SLAMF7: variants seen among roughly 807,000 people sequenced by gnomAD.
The protein encoded by SLAMF7 is SLAM family member 7.
In SLAMF7, 26 loss-of-function variants were observed where a neutral mutation model predicts 34.1. The observed-to-expected ratio is 0.76, with a 90% confidence interval of 0.56 to 1.06. The LOEUF (loss-of-function observed/expected upper bound fraction) is 1.06. Among genes scored for constraint, SLAMF7 ranks in the 50% least tolerant of loss-of-function variants. SLAMF7 has a pLI of 0.00. For missense variants in SLAMF7, 399 were observed against 402.5 expected (o/e 0.99, Z 0.07); for synonymous variants, 171 against 156.4 (o/e 1.09, Z -0.70).
intron 4 of SLAMF7, chr1:160,750,743 CCCCTG>C (rs1186540912): frequency 1.2e-5 from 3 of 258,506 alleles, no homozygotes; most frequent in African/African-American, 2.2e-5. Context: ...TGACTCTGCT[CCCCTG>C]ACCTGGGAGG....
chr1:160,748,666 C>T (rs1664321809), intron 2 of SLAMF7, 152 bp downstream of exon 2: 1 of 719,276 alleles, frequency 1.4e-6, no homozygotes, highest in Non-Finnish European at 2.3e-6. Context: ...TAGCTGACCC[C>T]TGAGGTCCCT....
intron 1 of SLAMF7, among the ~76,000 whole-genome samples, chr1:160,742,848 C>T (rs1039301803): frequency 5.9e-5 from 9 of 152,164 alleles, no homozygotes; most frequent in Admixed American, 5.2e-4. Flanking sequence ...CTGTATCTCA[C>T]GGGGCTGTTC....
intron 1 of SLAMF7, among the ~76,000 whole-genome samples, chr1:160,740,626 C>T (rs1447748547): frequency 6.6e-6 from 1 of 152,198 alleles, no homozygotes; most frequent in Non-Finnish European, 1.5e-5. Context: ...GCAAATTACT[C>T]TTCCCTTCTG....
chr1:160,751,120 A>G, intron 4 of SLAMF7: 1 of 515,516 alleles, frequency 1.9e-6, no homozygotes, highest in African/African-American at 1.9e-5. Flanking sequence ...GACCACCTTG[A>G]TGGAGAGATC....
intron 1 of SLAMF7, among the ~76,000 whole-genome samples, chr1:160,740,144 C>T (rs1663614895): frequency 6.6e-6 from 1 of 152,108 alleles, no homozygotes; most frequent in African/African-American, 2.4e-5. Flanking sequence ...ACGCAGGCAG[C>T]TGGTGCCCCC....
intron 1 of SLAMF7, among the ~76,000 whole-genome samples, chr1:160,740,456 C>A (rs1419813924): frequency 6.6e-6 from 1 of 152,120 alleles, no homozygotes; most frequent in South Asian, 2.1e-4. Flanking sequence ...CCATGCAGGT[C>A]CCCCTCTGCC....
chr1:160,751,860 C>CTATATA (rs1413816480), intron 5 of SLAMF7: 3 of 30,250 alleles, frequency 9.9e-5, no homozygotes, highest in Non-Finnish European at 1.8e-4. Context: ...CTCTCTCTCT[C>CTATATA]TCTATATATA....
At chr1:160,741,511 G>C (rs2101652668) in intron 1 of SLAMF7, among the ~76,000 whole-genome samples, 1 of 152,248 alleles carries the variant, frequency 6.6e-6, no homozygotes, top group South Asian at 2.1e-4. Context: ...ATTCGTTAAG[G>C]GGGACTTGAG....
Position 160,739,319 on chromosome 1 carries a change from A to G in SLAMF7, c.18A>G (p.Thr6=). ...AGAGCAATATGGCTGGTTCCCCAAC[A>G]TGCCTCACCCTCATCTATATCCTTT... MAGSP[T]CLTLIYILWQ... The change falls in exon 1 of 7, where the codon ACA becomes ACG. Residue 6 remains threonine, a synonymous_variant. Transcript: ENST00000368043. 1 of 1,613,952 alleles carries G rather than the reference A, an allele frequency of 6.2e-7. No homozygotes were observed. The highest frequency in any genetic ancestry group is 8.5e-7 in the Non-Finnish European group (1 of 1,179,902).
Position 160,750,863 on chromosome 1 carries a change from A to G in SLAMF7, c.769+440A>G, listed in dbSNP as rs755673114. On this transcript the variant is annotated intron_variant, in intron 4 of 6. Coordinates refer to ENST00000368043, the MANE Select transcript of SLAMF7 (RefSeq NM_021181.5). Reference sequence around the variant, plus strand: ...CACCCACACCCTTTCCACAGGATCAACCCAAGACCTCGCTTTACTGCCCAC... The same window carrying G: ...CACCCACACCCTTTCCACAGGATCAGCCCAAGACCTCGCTTTACTGCCCAC... The G allele has an allele frequency of 1.8e-5, 4 of 227,308 alleles. No homozygotes were observed. The East Asian group carries it at 3.3e-4, about 19-fold the overall frequency. 14.1% of individuals were successfully genotyped at this position (227,308 alleles called of 1,614,324 possible).
rs1242928078 is a variant in SLAMF7, at chr1:160,753,408, A to C, written c.*231A>C. 1 of 531,028 alleles carries C rather than the reference A, an allele frequency of 1.9e-6. No homozygotes were observed. The highest frequency in any genetic ancestry group is 3.3e-6 in the Non-Finnish European group (1 of 299,716). The allele number at this position is 531,028 out of a possible 1,614,324, so 32.9% of individuals were successfully genotyped here. A position where few individuals can be genotyped will look rare whatever the true frequency, so the allele number is the denominator to read the frequency against. On this transcript the variant is annotated 3_prime_UTR_variant, in exon 7 of 7. Transcript: ENST00000368043. ...CAGAAGGTTTAATCACTTCATCCCA[A>C]AAATGGGATTGTGAATGTCAGCAAA... is the stretch of plus-strand genomic sequence containing the variant.
At chr1:160,749,450 T>C (rs75795848) in intron 2 of SLAMF7, among the ~76,000 whole-genome samples, 2 of 88,898 alleles carry the variant, frequency 2.2e-5, no homozygotes, top group African/African-American at 3.6e-5. Context: ...TGAACTCTCA[T>C]AGAGAGTAAA....
chr1:160,739,206 C>A (rs1663533741), upstream of SLAMF7: 1 of 1,070,938 alleles, frequency 9.3e-7, no homozygotes, highest in Admixed American at 1.7e-5. Context: ...GCGGCGTGAC[C>A]CCTCCTGCTT....
At chr1:160,739,926 A>G (rs1262062575) in intron 1 of SLAMF7, among the ~76,000 whole-genome samples, 5 of 152,290 alleles carry the variant, frequency 3.3e-5, no homozygotes, top group African/African-American at 1.2e-4. Flanking sequence ...AGGACAGAGG[A>G]CAGTTCTCCA....
At chr1:160,743,239 T>C (rs761036885) in intron 1 of SLAMF7, among the ~76,000 whole-genome samples, 1 of 152,186 alleles carries the variant, frequency 6.6e-6, no homozygotes, top group South Asian at 2.1e-4. Flanking sequence ...GAGGAAGAGT[T>C]GGAGGCTTCC....
In SLAMF7 at chr1:160,751,608, T is replaced by C. The variant is rs1571130547; in HGVS notation, c.873+160T>C. On this transcript the variant is annotated intron_variant, in intron 5 of 6. Coordinates refer to ENST00000368043, the MANE Select transcript of SLAMF7 (RefSeq NM_021181.5). Reference sequence around the variant, plus strand: ...GTGCCTCCTCCAAGTCTTCATGGATTCTCTTCTGTGCAGAAGAAGCTGGTG... The same window carrying C: ...GTGCCTCCTCCAAGTCTTCATGGATCCTCTTCTGTGCAGAAGAAGCTGGTG... 76 of 598,956 alleles carry C rather than the reference T, an allele frequency of 1.3e-4. No homozygotes were observed. In the East Asian group the frequency reaches 2.2e-3, roughly 17 times the overall value. The allele number at this position is 598,956 out of a possible 1,614,324, so 37.1% of individuals were successfully genotyped here. A position where few individuals can be genotyped will look rare whatever the true frequency, so the allele number is the denominator to read the frequency against.
At chr1:160,742,274 T>C (rs1663809058) in intron 1 of SLAMF7, among the ~76,000 whole-genome samples, 1 of 152,156 alleles carries the variant, frequency 6.6e-6, no homozygotes, top group Admixed American at 6.5e-5. Flanking sequence ...CTCCTCCTGA[T>C]GCAAAGACAT....
intron 1 of SLAMF7, among the ~76,000 whole-genome samples, chr1:160,743,455 T>C (rs1207166895): frequency 6.6e-6 from 1 of 152,192 alleles, no homozygotes; most frequent in Non-Finnish European, 1.5e-5. Context: ...ATCCTGGCCT[T>C]ACGCAGTCAA....
At chr1:160,746,601 TGA>T (rs998429891) in intron 1 of SLAMF7, among the ~76,000 whole-genome samples, 1 of 152,236 alleles carries the variant, frequency 6.6e-6, no homozygotes, top group Non-Finnish European at 1.5e-5. Context: ...AGAATTTATA[TGA>T]GAGATACACA....
Sources: allele counts gnomAD v4.1 joint callset (sites outside exome capture counted in the v4.1 genomes callset), GRCh38; gene constraint gnomAD v4.1.1; transcripts MANE v1.5; gene names NCBI Gene and HGNC (gene_info 2026-07-23, HGNC 2026-07-21).